TECRL: variants seen among roughly 807,000 people sequenced by gnomAD.
TECRL encodes the protein trans-2,3-enoyl-CoA reductase like, also known as trans-2,3-enoyl-CoA reductase-like.
Under a neutral mutation model 52.8 loss-of-function variants are expected in TECRL, and 63 were observed. That is an observed-to-expected ratio of 1.19 (90% CI 0.97 to 1.47). The LOEUF (loss-of-function observed/expected upper bound fraction) is 1.47, where lower values mean the gene tolerates loss of function less well. Among genes scored for constraint, TECRL ranks in the 40% most tolerant of loss-of-function variants. The pLI, the probability that TECRL is intolerant of heterozygous loss-of-function variation, is 0.00. For missense variants in TECRL, 482 were observed against 429.6 expected (o/e 1.12, Z -1.08); for synonymous variants, 164 against 141.9 (o/e 1.16, Z -1.10).
intron 2 of TECRL, among the ~76,000 whole-genome samples, chr4:64,334,853 T>C (rs1718930860): frequency 6.6e-6 from 1 of 152,206 alleles, no homozygotes; most frequent in East Asian, 1.9e-4. Context: ...TTATTTATGC[T>C]CACTGGTTAA....
At chr4:64,391,443 T>C (rs1195722347) in intron 1 of TECRL, among the ~76,000 whole-genome samples, 6 of 151,988 alleles carry the variant, frequency 3.9e-5, no homozygotes, top group African/African-American at 7.2e-5. Context: ...CAAAGTTAAA[T>C]GACCAGAACT....
chr4:64,401,880 T>C (rs1464834445), intron 1 of TECRL, among the ~76,000 whole-genome samples: 3 of 152,156 alleles, frequency 2.0e-5, no homozygotes, highest in Non-Finnish European at 1.5e-5. Context: ...CACAATATGC[T>C]CCCCTTAATT....
Position 64,332,027 on chromosome 4 carries a change from A to G in TECRL, c.287-3471T>C, listed in dbSNP as rs940784885. Among the ~76,000 whole-genome samples the G allele has an allele frequency of 5.3e-5, 8 of 152,288 alleles. No homozygotes were observed. The South Asian group carries it at 1.7e-3, about 32-fold the overall frequency. On this transcript the variant is annotated intron_variant, in intron 2 of 11. Coordinates refer to ENST00000381210, the MANE Select transcript of TECRL (RefSeq NM_001010874.5). ...GAAAATATTTTATCAAAATCTCCACAGAGTGGTTAAGAAAAATAAAAAGAA... is the reference window on the plus strand; with the variant it reads ...GAAAATATTTTATCAAAATCTCCACGGAGTGGTTAAGAAAAATAAAAAGAA...
chr4:64,281,124 G>A, intron 10 of TECRL, 38 bp from the exon 11 acceptor site: 1 of 1,520,650 alleles, frequency 6.6e-7, no homozygotes, highest in Non-Finnish European at 9.0e-7. Flanking sequence ...ATACATAAAT[G>A]GAATCTAGTA....
chr4:64,405,474 G>A (rs763805414), intron 1 of TECRL, among the ~76,000 whole-genome samples: 25 of 152,120 alleles, frequency 1.6e-4, no homozygotes, highest in Non-Finnish European at 3.4e-4. Context: ...GGATGTAGTT[G>A]CCACTTATTG....
chr4:64,279,972 G>T lies in TECRL; in HGVS notation c.*100C>A. On this transcript the variant is annotated 3_prime_UTR_variant, in exon 12 of 12. Coordinates refer to ENST00000381210, the MANE Select transcript of TECRL (RefSeq NM_001010874.5). ...ATTTTTACTCAGTGTATATACTGTT[G>T]CTCATGAATTGTTGGAGTATAATAG... is the stretch of plus-strand genomic sequence containing the variant. 1.4e-6 allele frequency: 2 copies of T among 1,444,842 alleles called. No individual in the cohort carries two copies. The highest frequency in any genetic ancestry group is 1.8e-6 in the Non-Finnish European group (2 of 1,095,256). The allele number at this position is 1,444,842 out of a possible 1,614,324, so 89.5% of individuals were successfully genotyped here.
intron 2 of TECRL, among the ~76,000 whole-genome samples, chr4:64,346,984 G>A (rs1282864542): frequency 6.6e-6 from 1 of 152,182 alleles, no homozygotes; most frequent in Non-Finnish European, 1.5e-5. Flanking sequence ...GCCTACGTCT[G>A]TACAGTTTCT....
chr4:64,323,221 CT>C (rs1211149864), intron 3 of TECRL, among the ~76,000 whole-genome samples: 1 of 151,736 alleles, frequency 6.6e-6, no homozygotes, highest in African/African-American at 2.4e-5. Flanking sequence ...TGACAAAACC[CT>C]GTCTCTACAA....
chr4:64,282,776 A>T (rs1014678755), intron 9 of TECRL, among the ~76,000 whole-genome samples: 1 of 152,062 alleles, frequency 6.6e-6, no homozygotes, highest in African/African-American at 2.4e-5. Context: ...AGAAAAATAT[A>T]TGTATATAGA....
In TECRL at chr4:64,392,170, A is replaced by G. The variant is rs142060904; in HGVS notation, c.235-16947T>C. The stretch of plus-strand genomic sequence containing the variant: ...CAAAAGCTAAAAGAAAAGGTAATTA[A>G]ATTAGGTTAGGTTCTTCCAGCTTCG... On this transcript the variant is annotated intron_variant, in intron 1 of 11. Transcript: ENST00000381210. Among the ~76,000 whole-genome samples the G allele has an allele frequency of 4.2e-3, 635 of 152,042 alleles. 4 individuals carry two copies. Among genetic ancestry groups the G allele is most frequent in the Non-Finnish European group, 5.6e-3 (379 of 67,826 alleles).
chr4:64,360,385 T>G (rs904968859), intron 2 of TECRL, among the ~76,000 whole-genome samples: 8 of 152,206 alleles, frequency 5.3e-5, no homozygotes, highest in African/African-American at 1.9e-4. Flanking sequence ...ATTAATATAT[T>G]CAAGTTGTTG....
chr4:64,288,913 T>A (rs1237485510), intron 9 of TECRL, among the ~76,000 whole-genome samples: 2 of 152,182 alleles, frequency 1.3e-5, no homozygotes, highest in Non-Finnish European at 2.9e-5. Flanking sequence ...TGAATTGGAT[T>A]ACAAAGTTTT....
chr4:64,350,131 C>T (rs1720280866), intron 2 of TECRL, among the ~76,000 whole-genome samples: 1 of 152,092 alleles, frequency 6.6e-6, no homozygotes, highest in Non-Finnish European at 1.5e-5. Flanking sequence ...ATCAATGTCC[C>T]ACAAAACTGT....
intron 1 of TECRL, among the ~76,000 whole-genome samples, chr4:64,376,414 T>C (rs1325551479): frequency 6.6e-6 from 1 of 151,972 alleles, no homozygotes; most frequent in Non-Finnish European, 1.5e-5. Context: ...ATGGCAATGC[T>C]CTTCTCTGAA....
intron 9 of TECRL, among the ~76,000 whole-genome samples, chr4:64,284,561 T>C (rs1460256376): frequency 1.3e-5 from 2 of 152,064 alleles, no homozygotes; most frequent in African/African-American, 4.8e-5. Context: ...AGAACTGAGA[T>C]GACTAGTAGT....
chr4:64,351,502 G>T (rs186097479), intron 2 of TECRL, among the ~76,000 whole-genome samples: 1 of 152,068 alleles, frequency 6.6e-6, no homozygotes, highest in African/African-American at 2.4e-5. Context: ...TCAACTCCTG[G>T]ACTTAAGTGA....
intron 2 of TECRL, among the ~76,000 whole-genome samples, chr4:64,358,814 G>A (rs892078174): frequency 4.6e-5 from 7 of 151,664 alleles, no homozygotes; most frequent in Admixed American, 1.3e-4. Flanking sequence ...AATATAGCAC[G>A]TCTGAAATTA....
chr4:64,353,201 T>A lies in TECRL; in HGVS notation c.286+21971A>T, dbSNP rs75445696. ...GAAGATATAAACACAGAATAAGAAG[T>A]TCTCAGAGAGTAATAAATACCATGC... On this transcript the variant is annotated intron_variant, in intron 2 of 11. Transcript: ENST00000381210. 5.9e-3 allele frequency among the ~76,000 whole-genome samples: 904 copies of A among 152,268 alleles called. 2 individuals are homozygous for A. Among genetic ancestry groups the A allele is most frequent in the African/African-American group, 0.021 (860 of 41,544 alleles).
intron 2 of TECRL, among the ~76,000 whole-genome samples, chr4:64,340,183 C>A (rs571910657): frequency 6.6e-6 from 1 of 152,158 alleles, no homozygotes; most frequent in South Asian, 2.1e-4. Flanking sequence ...CAGGAAAAAG[C>A]GGGAGATTCA....
Sources: gnomAD v4.1 joint callset for allele counts (sites outside exome capture counted in the v4.1 genomes callset) on GRCh38, gnomAD v4.1.1 for gene constraint, MANE v1.5 for transcripts, NCBI Gene and HGNC (gene_info 2026-07-23, HGNC 2026-07-21) for gene names.